DHX8: variants seen among roughly 807,000 people sequenced by gnomAD.
DHX8 encodes ATP-dependent RNA helicase DHX8.
A neutral mutation model predicts 140.7 loss-of-function variants in DHX8; 67 were observed. That is an observed-to-expected ratio of 0.48 (90% CI 0.39 to 0.58). The LOEUF is 0.58. Among genes scored for constraint, DHX8 ranks in the 20% least tolerant of loss-of-function variants. The pLI is 0.00. For synonymous variants in DHX8, 533 were observed against 553.2 expected, an observed-to-expected ratio of 0.96 and a Z score of 0.51; for missense variants, 887 against 1,550.7, an observed-to-expected ratio of 0.57 and a Z score of 7.19.
chr17:43,529,672 G>A, downstream of DHX8: 1 of 1,603,928 alleles, frequency 6.2e-7, no homozygotes, highest in African/African-American at 1.3e-5. Flanking sequence ...CCTGCTTGAT[G>A]TCTCCTGGGG....
intron 2 of DHX8, among the ~76,000 whole-genome samples, chr17:43,536,019 G>A (rs945497857): frequency 2.6e-5 from 4 of 152,244 alleles, no homozygotes; most frequent in Non-Finnish European, 5.9e-5. Flanking sequence ...GCTGAGGCAG[G>A]AGAATGGCTT....
chr17:43,486,504 AT>A (rs978744352), intron 1 of DHX8, among the ~76,000 whole-genome samples: 9 of 152,106 alleles, frequency 5.9e-5, no homozygotes, highest in African/African-American at 2.2e-4. Context: ...TCACCAATGA[AT>A]TTTTTTAAAC....
chr17:43,523,980 C>T lies in DHX8; in HGVS notation c.*133C>T, dbSNP rs1970512241. On this transcript the variant is annotated 3_prime_UTR_variant, in exon 23 of 23. Coordinates refer to ENST00000262415, the MANE Select transcript of DHX8 (RefSeq NM_004941.3). ...CTGAGCATTTTCTCAACTCGACTCTCATTTCTTCCCTGCTGGTAAAATAGA... is the reference window on the plus strand; with the variant it reads ...CTGAGCATTTTCTCAACTCGACTCTTATTTCTTCCCTGCTGGTAAAATAGA... 20 of 1,456,668 alleles carry T rather than the reference C, an allele frequency of 1.4e-5. No individual in the cohort carries two copies. In the South Asian group the frequency reaches 2.7e-4, roughly 20 times the overall value. The allele number at this position is 1,456,668 out of a possible 1,614,324, so 90.2% of individuals were successfully genotyped here. A position where few individuals can be genotyped will look rare whatever the true frequency, so the allele number is the denominator to read the frequency against.
chr17:43,526,727 T>G, downstream of DHX8: 3 of 1,418,576 alleles, frequency 2.1e-6, no homozygotes, highest in South Asian at 4.6e-5. Flanking sequence ...CCACCGATTT[T>G]TACACCTTCT....
At chr17:43,534,834 G>A (rs140914719) in intron 2 of DHX8, among the ~76,000 whole-genome samples, 4 of 151,728 alleles carry the variant, frequency 2.6e-5, no homozygotes, top group African/African-American at 7.3e-5. Context: ...CCAGCTACTC[G>A]GGAGGCTGAG....
At chr17:43,535,993 C>T (rs959482913) in intron 2 of DHX8, among the ~76,000 whole-genome samples, 1 of 152,178 alleles carries the variant, frequency 6.6e-6, no homozygotes. Flanking sequence ...TGCCTGTAAT[C>T]CCAGCTACTC....
downstream of DHX8, chr17:43,530,572 G>A: frequency 2.1e-6 from 1 of 467,626 alleles, no homozygotes; most frequent in Middle Eastern, 7.0e-4. Context: ...AAAAATGTCC[G>A]GTCAGCAGGT....
At chr17:43,529,641 C>A, downstream of DHX8, 1 of 1,613,862 alleles carries the variant, frequency 6.2e-7, no homozygotes, top group Non-Finnish European at 8.5e-7. Context: ...GGCGGCCCCT[C>A]TCGAAATGCA....
intron 9 of DHX8, 71 bp from the exon 10 acceptor site, chr17:43,498,791 A>G: frequency 1.5e-6 from 2 of 1,293,446 alleles, no homozygotes; most frequent in Non-Finnish European, 2.2e-6. Context: ...ACCTATGGAA[A>G]TTAATTGTCT....
intron 8 of DHX8, among the ~76,000 whole-genome samples, chr17:43,494,443 T>C (rs1394140241): frequency 6.6e-6 from 1 of 152,016 alleles, no homozygotes; most frequent in African/African-American, 2.4e-5. Context: ...TGAAAGTCGT[T>C]GGGCGTGATG....
At chr17:43,536,414 A>G (rs964075855) in exon 3 of DHX8, 2 of 1,613,126 alleles carry the variant, frequency 1.2e-6, no homozygotes, top group African/African-American at 1.3e-5. Context: ...CTCCCCAGGG[A>G]CCTCTACTCA....
rs533931518 is a variant in DHX8, at chr17:43,508,659, AC to A, written c.2502+142del. 252 of 562,306 alleles carry A rather than the reference AC, an allele frequency of 4.5e-4. 2 individuals are homozygous for A. The African/African-American group carries it at 4.7e-3, about 11-fold the overall frequency. The allele number at this position is 562,306 out of a possible 1,614,324, so 34.8% of individuals were successfully genotyped here. On this transcript the variant is annotated intron_variant, in intron 16 of 22. Transcript: ENST00000262415. ...TTCCTCGAGGCAGAGTCTCGCTCTC[AC>A]CCAGGCAGGAGTGCAATGGCACCAT...
rs558631137 is a variant in DHX8 at position 43,494,174 on chromosome 17, A to G, written c.1212+288A>G. On this transcript the variant is annotated intron_variant, in intron 8 of 22. Coordinates refer to ENST00000262415, the MANE Select transcript of DHX8 (RefSeq NM_004941.3). The stretch of plus-strand genomic sequence containing the variant: ...GCTTGTGCAGGGAAATGCCCTTTTT[A>G]AAACCATCAGATCTCATGAGACTTA... Among the ~76,000 whole-genome samples the G allele has an allele frequency of 2.0e-5, 3 of 152,276 alleles. No individual in the cohort carries two copies. In the South Asian group the frequency reaches 6.2e-4, roughly 32 times the overall value.
Position 43,520,914 on chromosome 17 carries a change from C to T in DHX8, c.3066+35C>T, listed in dbSNP as rs111970784. 1.0e-4 allele frequency: 159 copies of T among 1,578,176 alleles called. No individual in the cohort carries two copies. In the African/African-American group the frequency reaches 1.4e-3, roughly 14 times the overall value. On this transcript the variant is annotated intron_variant, in intron 20 of 22. Transcript: ENST00000262415. ...TCAGATCCAAGTTTAGATGGGGGTG[C>T]CATGAAGTTGGGGTAGTTGGCCTGT...
chr17:43,490,243 C>A, intron 2 of DHX8, 148 bp from the exon 3 acceptor site: 2 of 613,626 alleles, frequency 3.3e-6, no homozygotes, highest in Non-Finnish European at 5.7e-6. Context: ...TCATGCTACA[C>A]CAGGTTGACA....
At chr17:43,506,977 C>T in intron 12 of DHX8, 26 bp from the exon 13 acceptor site, 6 of 1,517,680 alleles carry the variant, frequency 4.0e-6, no homozygotes, top group Non-Finnish European at 5.3e-6. Flanking sequence ...ATTTTAATGA[C>T]CATATTTATA....
At chr17:43,491,132 T>A (rs1405577129) in intron 3 of DHX8, 33 bp from the exon 4 acceptor site, 1 of 1,090,972 alleles carries the variant, frequency 9.2e-7, no homozygotes. Context: ...ATATCTCTTT[T>A]TTTAACCCCT....
chr17:43,530,438 T>C, downstream of DHX8: 2 of 1,382,840 alleles, frequency 1.4e-6, no homozygotes, highest in Non-Finnish European at 1.9e-6. Context: ...GGGCAAGCTG[T>C]TCTGAAGGGC....
intron 12 of DHX8, 25 bp from the exon 13 acceptor site, chr17:43,506,978 C>T: frequency 5.3e-6 from 8 of 1,512,840 alleles, no homozygotes; most frequent in East Asian, 2.3e-5. Flanking sequence ...TTTTAATGAC[C>T]ATATTTATAT....
Sources: allele counts gnomAD v4.1 joint callset (sites outside exome capture counted in the v4.1 genomes callset), GRCh38; gene constraint gnomAD v4.1.1; transcripts MANE v1.5; gene names NCBI Gene and HGNC (gene_info 2026-07-23, HGNC 2026-07-21).